Variants in NPM2 observed in about 807,000 individuals in gnomAD.
NPM2 encodes nucleophosmin/nucleoplasmin 2.
Under a neutral mutation model 32.0 loss-of-function variants are expected in NPM2, and 25 were observed. The observed-to-expected ratio is 0.78, with a 90% CI of 0.57 to 1.09. The LOEUF is 1.09. NPM2 is among the 50% of genes least tolerant of loss of function. The probability of loss-of-function intolerance (pLI) is 0.00; values close to 1 mark genes in which losing one functional copy is unlikely to be tolerated. For synonymous variants in NPM2, 111 were observed against 94.2 expected, an observed-to-expected ratio of 1.18 and a Z score of -1.04; for missense variants, 282 against 259.9, an observed-to-expected ratio of 1.08 and a Z score of -0.58.
chr8:22,024,866 C>A, intron 2 of NPM2, 36 bp downstream of exon 2: 2 of 214,802 alleles, frequency 9.3e-6, no homozygotes, highest in South Asian at 9.3e-5. Flanking sequence ...ACCTAAGCCG[C>A]GCGCACACCC....
At chr8:22,036,556 G>A in intron 9 of NPM2, 30 bp downstream of exon 9, 3 of 1,582,934 alleles carry the variant, frequency 1.9e-6, no homozygotes, top group Non-Finnish European at 2.6e-6. Context: ...TTTGGCCCTT[G>A]GGACAGGCGA....
intron 6 of NPM2, 54 bp downstream of exon 6, chr8:22,033,277 C>A (rs916265929): frequency 1.5e-6 from 2 of 1,341,660 alleles, no homozygotes; most frequent in Non-Finnish European, 2.1e-6. Flanking sequence ...TAGGCAGGGG[C>A]TCGGGACATA....
chr8:22,027,669 C>T (rs1275113995), intron 5 of NPM2, among the ~76,000 whole-genome samples: 5 of 150,970 alleles, frequency 3.3e-5, no homozygotes, highest in African/African-American at 4.9e-5. Context: ...TGCAATGGTG[C>T]GCTCTCGGCT....
rs1800637063 is a variant in NPM2, at chr8:22,036,700, G to T, written c.*18G>T. On this transcript the variant is annotated 3_prime_UTR_variant, in exon 10 of 10. Coordinates refer to ENST00000518119, the MANE Select transcript of NPM2 (RefSeq NM_001286680.2). Reference sequence around the variant, plus strand: ...AGAAATGAGGAGCCACGCCTTGGGGGGCACGGTGCAAAGTGGGCCTTCCCT... The same window carrying T: ...AGAAATGAGGAGCCACGCCTTGGGGTGCACGGTGCAAAGTGGGCCTTCCCT... 1 of 1,543,540 alleles carries T rather than the reference G, an allele frequency of 6.5e-7. No homozygotes were observed. The highest frequency in any genetic ancestry group is 8.7e-7 in the Non-Finnish European group (1 of 1,145,246).
intron 5 of NPM2, among the ~76,000 whole-genome samples, chr8:22,030,888 G>A (rs1439476040): frequency 1.3e-5 from 2 of 152,076 alleles, no homozygotes; most frequent in African/African-American, 4.8e-5. Flanking sequence ...GTTCTTGGTC[G>A]GGCTAGTCTG....
intron 8 of NPM2, among the ~76,000 whole-genome samples, chr8:22,035,229 A>G (rs900061876): frequency 6.6e-6 from 1 of 152,256 alleles, no homozygotes; most frequent in Non-Finnish European, 1.5e-5. Flanking sequence ...AATATTACAT[A>G]ATGCTTATGA....
chr8:22,024,462 C>T lies in NPM2; in HGVS notation c.-302C>T. ...GGGCGCCAGGAGGCCTCGGCGGGTCCGCAATTGGCCGGGACAGCTTCTCAC... is the reference window on the plus strand; with the variant it reads ...GGGCGCCAGGAGGCCTCGGCGGGTCTGCAATTGGCCGGGACAGCTTCTCAC... On this transcript the variant is annotated 5_prime_UTR_variant, in exon 1 of 10. Transcript: ENST00000518119. The T allele has an allele frequency of 6.6e-6, 1 of 152,662 alleles. No individual in the cohort carries two copies. The highest frequency in any genetic ancestry group is 1.5e-5 in the Non-Finnish European group (1 of 68,298). 9.5% of individuals were successfully genotyped at this position (152,662 alleles called of 1,614,324 possible).
Position 22,027,451 on chromosome 8 carries a change from A to G in NPM2, c.270+1679A>G, listed in dbSNP as rs1476470052. On this transcript the variant is annotated intron_variant, in intron 5 of 9. Transcript: ENST00000518119. The stretch of plus-strand genomic sequence containing the variant: ...TCTTGAGCTCCAAGTCCTATATCCA[A>G]CTAAATGGCTTTGATAGATATCTAA... Among the ~76,000 whole-genome samples the G allele has an allele frequency of 2.0e-5, 3 of 152,206 alleles. No homozygotes were observed. The East Asian group carries it at 5.8e-4, about 29-fold the overall frequency.
rs138930835 is a variant in NPM2, at chr8:22,027,053, G to C, written c.270+1281G>C. 4.5e-3 allele frequency among the ~76,000 whole-genome samples: 688 copies of C among 152,270 alleles called. 3 individuals are homozygous for C. The highest frequency in any genetic ancestry group is 6.8e-3 in the South Asian group (33 of 4,822). ...AAATTATATGAAGATAATAATATCT[G>C]AGTTCCTTTGCCATCCTGGGATAAA... On this transcript the variant is annotated intron_variant, in intron 5 of 9. Coordinates refer to ENST00000518119, the MANE Select transcript of NPM2 (RefSeq NM_001286680.2).
chr8:22,032,677 G>A (rs1350370752), intron 5 of NPM2, among the ~76,000 whole-genome samples: 1 of 152,152 alleles, frequency 6.6e-6, no homozygotes, highest in Non-Finnish European at 1.5e-5. Flanking sequence ...CAGCCTTCTT[G>A]CTATGTGTTC....
intron 5 of NPM2, among the ~76,000 whole-genome samples, chr8:22,026,824 A>C (rs1198666912): frequency 6.6e-6 from 1 of 152,206 alleles, no homozygotes; most frequent in African/African-American, 2.4e-5. Flanking sequence ...TTGGGTGAAC[A>C]TGAGATCAGG....
intron 5 of NPM2, 43 bp downstream of exon 5, chr8:22,025,815 C>T (rs1186448959): frequency 2.5e-6 from 4 of 1,612,444 alleles, no homozygotes; most frequent in Non-Finnish European, 3.4e-6. Context: ...GTCAGCCTCA[C>T]CCTCACCCTT....
rs774461969 is a variant in NPM2, at chr8:22,025,293, G to A, written c.45G>A (p.Thr15=). 1 of 1,610,236 alleles carries A rather than the reference G, an allele frequency of 6.2e-7. No individual in the cohort carries two copies. The highest frequency in any genetic ancestry group is 1.3e-5 in the African/African-American group (1 of 74,908). Residue 15 remains threonine (T), a synonymous_variant, in exon 3 of 10, where the codon ACG becomes ACA. Coordinates refer to ENST00000518119, the MANE Select transcript of NPM2 (RefSeq NM_001286680.2). The part of the protein sequence containing the change: ...SASSTEEKAV[T]TVLWGCELSQ... ...GTAGCACGGAGGAAAAGGCAGTGACGACCGTGCTCTGGGGTGAGTGGGGAC... is the reference window on the plus strand; with the variant it reads ...GTAGCACGGAGGAAAAGGCAGTGACAACCGTGCTCTGGGGTGAGTGGGGAC...
chr8:22,025,908 G>A (rs1399277437), intron 5 of NPM2, 136 bp downstream of exon 5: 8 of 1,312,202 alleles, frequency 6.1e-6, no homozygotes, highest in Non-Finnish European at 8.5e-6. Context: ...CATGCAGAAA[G>A]CCGGGGTCCA....
In NPM2 at chr8:22,025,202, C is replaced by T. The variant is rs893579565; in HGVS notation, c.-33-14C>T. On this transcript the variant is annotated splice_polypyrimidine_tract_variant and intron_variant, in intron 2 of 9. Coordinates refer to ENST00000518119, the MANE Select transcript of NPM2 (RefSeq NM_001286680.2). ...GTCAGGGAGCAAGGCCTCACGCGGG[C>T]GCCCTCCTTGCAGCTGCCCGGCCAG... The T allele has an allele frequency of 6.3e-6, 10 of 1,594,738 alleles. No individual in the cohort carries two copies. The highest frequency in any genetic ancestry group is 7.7e-6 in the Non-Finnish European group (9 of 1,172,440).
chr8:22,026,549 G>C (rs1332823553), intron 5 of NPM2, among the ~76,000 whole-genome samples: 4 of 146,896 alleles, frequency 2.7e-5, no homozygotes, highest in African/African-American at 5.1e-5. Flanking sequence ...CTGCCTCCCA[G>C]GTTCAAGCAA....
chr8:22,025,308 T>A lies in NPM2; in HGVS notation c.58+2T>A. On this transcript the variant is annotated splice_donor_variant, in intron 3 of 9. Coordinates refer to ENST00000518119, the MANE Select transcript of NPM2 (RefSeq NM_001286680.2). LOFTEE classifies it high-confidence loss of function. ...AGGCAGTGACGACCGTGCTCTGGGG[T>A]GAGTGGGGACTCAGGCTCCTTCCCA... is the stretch of plus-strand genomic sequence containing the variant. 9 of 1,607,592 alleles carry A rather than the reference T, an allele frequency of 5.6e-6. No individual in the cohort carries two copies. Among genetic ancestry groups the A allele is most frequent in the Non-Finnish European group, 7.6e-6 (9 of 1,177,288 alleles).
chr8:22,035,316 C>T (rs866335899), intron 8 of NPM2, among the ~76,000 whole-genome samples: 4 of 152,166 alleles, frequency 2.6e-5, no homozygotes, highest in Middle Eastern at 3.2e-3. Context: ...CTCTGCCACC[C>T]AGGCTGGAGT....
chr8:22,028,869 T>A (rs995444564), intron 5 of NPM2, among the ~76,000 whole-genome samples: 1 of 152,118 alleles, frequency 6.6e-6, no homozygotes, highest in African/African-American at 2.4e-5. Flanking sequence ...ATAGTCTGTA[T>A]TCATTGTGAT....
Sources: gnomAD v4.1 joint callset for allele counts (sites outside exome capture counted in the v4.1 genomes callset) on GRCh38, gnomAD v4.1.1 for gene constraint, MANE v1.5 for transcripts, NCBI Gene and HGNC (gene_info 2026-07-23, HGNC 2026-07-21) for gene names.